The following CTIF variants were observed in gnomAD, a reference collection of about 807,000 sequenced individuals.
The protein encoded by CTIF is cap binding complex dependent translation initiation factor, also known as CBP80/20-dependent translation initiation factor.
A neutral mutation model predicts 66.0 loss-of-function variants in CTIF; 21 were observed. That is an observed-to-expected ratio of 0.32 (90% confidence interval 0.23 to 0.46). The LOEUF is 0.46. Ranked by LOEUF, CTIF falls within the 20% of genes least tolerant of loss-of-function variation. The probability of loss-of-function intolerance (pLI) is 1.00; values close to 1 mark genes in which losing one functional copy is unlikely to be tolerated. For synonymous variants in CTIF, 345 were observed against 326.4 expected (o/e 1.06, Z -0.62); for missense variants, 739 against 812.7 (o/e 0.91, Z 1.10).
chr18:48,657,071 A>G (rs1444845409), intron 3 of CTIF, among the ~76,000 whole-genome samples: 1 of 152,224 alleles, frequency 6.6e-6, no homozygotes, highest in East Asian at 1.9e-4. Flanking sequence ...CCACCATCGA[A>G]AGGGGAGAGA....
intron 3 of CTIF, among the ~76,000 whole-genome samples, chr18:48,649,145 G>T (rs1197662099): frequency 6.6e-6 from 1 of 152,204 alleles, no homozygotes; most frequent in South Asian, 2.1e-4. Context: ...CTGAAGCTGG[G>T]TGGGGCATTG....
chr18:48,791,502 A>G (rs1228004477), intron 9 of CTIF, among the ~76,000 whole-genome samples: 1 of 152,150 alleles, frequency 6.6e-6, no homozygotes, highest in Non-Finnish European at 1.5e-5. Context: ...CCAGCCCCCA[A>G]GCTGAGTGGA....
chr18:48,801,331 G>T (rs1026232366), intron 9 of CTIF, among the ~76,000 whole-genome samples: 3 of 152,202 alleles, frequency 2.0e-5, no homozygotes, highest in African/African-American at 7.2e-5. Context: ...AGACGCAAAC[G>T]TTGGTCTCCC....
At chr18:48,736,661 A>G (rs1369911493) in intron 7 of CTIF, among the ~76,000 whole-genome samples, 2 of 152,204 alleles carry the variant, frequency 1.3e-5, no homozygotes, top group African/African-American at 4.8e-5. Flanking sequence ...TGAAATTTTC[A>G]CAGTGGAAGA....
chr18:48,763,823 C>T (rs1005085661), intron 9 of CTIF, among the ~76,000 whole-genome samples: 12 of 152,164 alleles, frequency 7.9e-5, no homozygotes, highest in African/African-American at 2.4e-4. Flanking sequence ...CTTTCTCATG[C>T]TCCTGAGGCC....
intron 7 of CTIF, among the ~76,000 whole-genome samples, chr18:48,746,310 C>T (rs1215084895): frequency 1.3e-5 from 2 of 152,036 alleles, no homozygotes; most frequent in African/African-American, 4.8e-5. Flanking sequence ...GTGCCCCAGG[C>T]TCCACACTTT....
At chr18:48,606,690 G>T (rs184196158) in intron 1 of CTIF, among the ~76,000 whole-genome samples, 1 of 152,166 alleles carries the variant, frequency 6.6e-6, no homozygotes, top group Non-Finnish European at 1.5e-5. Flanking sequence ...GCAAGGGCTG[G>T]CACATTGAGG....
At chr18:48,541,248 C>T (rs1327180543) in intron 1 of CTIF, among the ~76,000 whole-genome samples, 1 of 152,184 alleles carries the variant, frequency 6.6e-6, no homozygotes, top group African/African-American at 2.4e-5. Context: ...GCCGCCCGCC[C>T]GGCGCTGTGT....
At chr18:48,733,116 G>C (rs547756839) in intron 7 of CTIF, among the ~76,000 whole-genome samples, 1 of 152,292 alleles carries the variant, frequency 6.6e-6, no homozygotes, top group Admixed American at 6.5e-5. Context: ...CATAATCCCT[G>C]TGGTCCCTTC....
At position 48,758,442 on chromosome 18, in the gene CTIF, A is replaced by C. The variant is rs75813170; in HGVS notation, c.1071+37A>C. 6.4e-4 allele frequency: 999 copies of C among 1,552,206 alleles called. 5 individuals are homozygous for C. In the African/African-American group the frequency reaches 0.012, roughly 18 times the overall value. ...TGAATTTTTGTTCTTCTCTTGCACCAGGGAGGACAGCAAGAGGTAGGCACT... is the reference window on the plus strand; with the variant it reads ...TGAATTTTTGTTCTTCTCTTGCACCCGGGAGGACAGCAAGAGGTAGGCACT... On this transcript the variant is annotated intron_variant, in intron 8 of 11. Transcript: ENST00000256413.
At chr18:48,675,976 C>T (rs991195873) in intron 6 of CTIF, among the ~76,000 whole-genome samples, 36 of 152,172 alleles carry the variant, frequency 2.4e-4, no homozygotes, top group African/African-American at 8.4e-4. Context: ...GGATGAAATC[C>T]GAATTGCATA....
chr18:48,742,682 C>T (rs2092565111), intron 7 of CTIF, among the ~76,000 whole-genome samples: 1 of 152,254 alleles, frequency 6.6e-6, no homozygotes. Flanking sequence ...ACTTTATCAT[C>T]ATTATTTCAC....
chr18:48,690,818 A>G (rs2091914857), intron 6 of CTIF, among the ~76,000 whole-genome samples: 1 of 151,968 alleles, frequency 6.6e-6, no homozygotes, highest in African/African-American at 2.4e-5. Flanking sequence ...TGGAGATAAT[A>G]AAACCTCCTC....
intron 9 of CTIF, among the ~76,000 whole-genome samples, chr18:48,816,737 G>C (rs756000503): frequency 6.6e-6 from 1 of 152,242 alleles, no homozygotes; most frequent in Admixed American, 6.5e-5. Context: ...GTGCTGGGGC[G>C]CTAGCCCACA....
intron 1 of CTIF, among the ~76,000 whole-genome samples, chr18:48,605,597 C>G (rs1279872248): frequency 2.0e-5 from 3 of 152,212 alleles, no homozygotes; most frequent in Non-Finnish European, 2.9e-5. Context: ...AAGTAGAGAC[C>G]AAAGACTCTG....
At chr18:48,682,057 A>G (rs1005011496) in intron 6 of CTIF, among the ~76,000 whole-genome samples, 30 of 151,728 alleles carry the variant, frequency 2.0e-4, no homozygotes, top group African/African-American at 7.0e-4. Context: ...AAGTGCTGGG[A>G]TTACAGGTGT....
chr18:48,753,902 G>T (rs781116966), intron 7 of CTIF, among the ~76,000 whole-genome samples: 8 of 152,150 alleles, frequency 5.3e-5, no homozygotes, highest in Admixed American at 1.3e-4. Flanking sequence ...CGCAGGTTTC[G>T]TGGGGAGCAG....
chr18:48,673,650 A>G (rs559999018), intron 6 of CTIF: 2 of 152,174 alleles, frequency 1.3e-5, no homozygotes, highest in East Asian at 3.9e-4. Context: ...TGGCCCTGCC[A>G]TCTCAATCCA....
rs117690506 is a variant in CTIF at position 48,850,013 on chromosome 18, C to T, written c.1528-7575C>T. On this transcript the variant is annotated intron_variant, in intron 10 of 11. Transcript: ENST00000256413. ...GCTGAAACTCTGTCCCCATGAAACACTCCCCATCCTCCCTCTTCCCAGTTC... is the reference window on the plus strand; with the variant it reads ...GCTGAAACTCTGTCCCCATGAAACATTCCCCATCCTCCCTCTTCCCAGTTC... Among the ~76,000 whole-genome samples the T allele has an allele frequency of 3.7e-3, 562 of 152,326 alleles. 1 individual carries two copies. Among genetic ancestry groups the T allele is most frequent in the Non-Finnish European group, 6.5e-3 (442 of 68,026 alleles).
Sources: allele counts gnomAD v4.1 joint callset (sites outside exome capture counted in the v4.1 genomes callset), GRCh38; gene constraint gnomAD v4.1.1; transcripts MANE v1.5; gene names NCBI Gene and HGNC (gene_info 2026-07-23, HGNC 2026-07-21).